MAML3: variants seen among roughly 807,000 people sequenced by gnomAD.
MAML3 encodes mastermind-like protein 3.
MAML3 carries 27 observed loss-of-function variants against 101.9 expected under a neutral mutation model. That is an observed-to-expected ratio of 0.27 (90% CI 0.20 to 0.37). The LOEUF (loss-of-function observed/expected upper bound fraction) is 0.37, where lower values mean the gene tolerates loss of function less well. Among genes scored for constraint, MAML3 ranks in the 10% least tolerant of loss-of-function variants. MAML3 has a pLI of 1.00. For missense variants in MAML3, 1,316 were observed against 1,444.9 expected (o/e 0.91, Z 1.45); for synonymous variants, 501 against 555.9 (o/e 0.90, Z 1.39).
chr4:139,979,737 G>T (rs1488223042), intron 1 of MAML3, among the ~76,000 whole-genome samples: 1 of 152,176 alleles, frequency 6.6e-6, no homozygotes, highest in Non-Finnish European at 1.5e-5. Flanking sequence ...TGGCATCAAG[G>T]TACCATCTTG....
At chr4:140,111,961 C>T (rs575576566) in intron 1 of MAML3, among the ~76,000 whole-genome samples, 1 of 152,250 alleles carries the variant, frequency 6.6e-6, no homozygotes, top group East Asian at 1.9e-4. Flanking sequence ...GAGGCTCATT[C>T]CTTTATAGAC....
chr4:139,885,204 T>C (rs1013474272), intron 2 of MAML3, among the ~76,000 whole-genome samples: 1 of 151,868 alleles, frequency 6.6e-6, no homozygotes, highest in East Asian at 1.9e-4. Flanking sequence ...GGTTGGACAC[T>C]AGACTGGGCA....
intron 2 of MAML3, among the ~76,000 whole-genome samples, chr4:139,884,176 G>T (rs1446346002): frequency 1.3e-5 from 2 of 152,058 alleles, no homozygotes; most frequent in Non-Finnish European, 2.9e-5. Flanking sequence ...GAGCCACGGC[G>T]CCTGGCTGCT....
intron 2 of MAML3, among the ~76,000 whole-genome samples, chr4:139,861,036 A>G (rs150385961): frequency 9.0e-4 from 137 of 152,226 alleles, no homozygotes; most frequent in African/African-American, 3.1e-3. Flanking sequence ...ACATAAAGAT[A>G]TATACATCTG....
intron 2 of MAML3, among the ~76,000 whole-genome samples, chr4:139,756,691 A>C (rs1341305164): frequency 6.6e-6 from 1 of 152,138 alleles, no homozygotes; most frequent in Non-Finnish European, 1.5e-5. Context: ...TTCCCCCTAC[A>C]TTCTCTGCAA....
chr4:139,835,792 C>T (rs1027017913), intron 2 of MAML3, among the ~76,000 whole-genome samples: 3 of 152,184 alleles, frequency 2.0e-5, no homozygotes, highest in Non-Finnish European at 4.4e-5. Flanking sequence ...TAATTTTCTT[C>T]ATACAATGAC....
intron 2 of MAML3, among the ~76,000 whole-genome samples, chr4:139,803,738 T>G (rs1397416756): frequency 1.3e-5 from 2 of 152,162 alleles, no homozygotes; most frequent in Non-Finnish European, 1.5e-5. Flanking sequence ...TGGCTATGTA[T>G]GCATTACACA....
intron 1 of MAML3, among the ~76,000 whole-genome samples, chr4:140,035,857 G>A (rs921363091): frequency 1.3e-5 from 2 of 151,824 alleles, no homozygotes; most frequent in African/African-American, 4.8e-5. Context: ...ACCTGAGGTT[G>A]AACGGTAATG....
chr4:139,882,611 G>A (rs1280953138), intron 2 of MAML3, among the ~76,000 whole-genome samples: 2 of 152,182 alleles, frequency 1.3e-5, no homozygotes, highest in Non-Finnish European at 2.9e-5. Context: ...CACTTTGGGA[G>A]GCCGAGGCAG....
chr4:139,988,133 C>A (rs1297469320), intron 1 of MAML3, among the ~76,000 whole-genome samples: 3 of 150,938 alleles, frequency 2.0e-5, no homozygotes, highest in African/African-American at 7.3e-5. Flanking sequence ...TCAAGACCAG[C>A]CTGGCCAACA....
intron 2 of MAML3, among the ~76,000 whole-genome samples, chr4:139,761,544 C>A (rs1271857771): frequency 6.6e-6 from 1 of 152,238 alleles, no homozygotes; most frequent in Non-Finnish European, 1.5e-5. Context: ...AGTTCCTAAC[C>A]TTCTCCACTA....
intron 1 of MAML3, among the ~76,000 whole-genome samples, chr4:139,928,601 G>C (rs1344624658): frequency 6.6e-6 from 1 of 152,166 alleles, no homozygotes; most frequent in Non-Finnish European, 1.5e-5. Context: ...AAGGAAATGG[G>C]AATAGCTTGA....
At chr4:140,091,035 G>A (rs1328798964) in intron 1 of MAML3, among the ~76,000 whole-genome samples, 1 of 151,096 alleles carries the variant, frequency 6.6e-6, no homozygotes, top group Non-Finnish European at 1.5e-5. Context: ...GGGCAACAGA[G>A]CGAGATTCTG....
intron 1 of MAML3, among the ~76,000 whole-genome samples, chr4:140,044,155 G>A (rs1727141129): frequency 6.6e-6 from 1 of 152,104 alleles, no homozygotes; most frequent in Non-Finnish European, 1.5e-5. Context: ...TGTGTTCTCG[G>A]CAGTTTCAAT....
chr4:139,750,894 A>G (rs974602970), intron 2 of MAML3, among the ~76,000 whole-genome samples: 1 of 152,174 alleles, frequency 6.6e-6, no homozygotes, highest in South Asian at 2.1e-4. Context: ...TTGCTTTTAC[A>G]TTTCTGACTT....
At chr4:140,093,530 C>T (rs1375546638) in intron 1 of MAML3, among the ~76,000 whole-genome samples, 1 of 151,556 alleles carries the variant, frequency 6.6e-6, no homozygotes, top group Admixed American at 6.6e-5. Flanking sequence ...CATTCTCCTG[C>T]CTCAGCCTCC....
At chr4:140,001,835 T>C (rs1412294750) in intron 1 of MAML3, among the ~76,000 whole-genome samples, 2 of 152,320 alleles carry the variant, frequency 1.3e-5, no homozygotes, top group Middle Eastern at 3.4e-3. Context: ...ACTTTTTCCT[T>C]TTCAAAAAAA....
In MAML3 at chr4:140,037,279, A is replaced by C. The variant is rs767811391; in HGVS notation, c.468+115581T>G. ...CAAAAACAAAACAGCAACAAAACAAAAAACAAACTAAGAACGGATCAAGAA... is the reference window on the plus strand; with the variant it reads ...CAAAAACAAAACAGCAACAAAACAACAAACAAACTAAGAACGGATCAAGAA... On this transcript the variant is annotated intron_variant, in intron 1 of 4. Coordinates refer to ENST00000509479, the MANE Select transcript of MAML3 (RefSeq NM_018717.5). Among the ~76,000 whole-genome samples, 76 of 152,262 alleles carry C rather than the reference A, an allele frequency of 5.0e-4. 1 individual carries two copies. The highest frequency in any genetic ancestry group is 1.0e-3 in the Non-Finnish European group (68 of 68,030).
chr4:139,904,704 A>G (rs1273830093), intron 1 of MAML3, among the ~76,000 whole-genome samples: 2 of 152,240 alleles, frequency 1.3e-5, no homozygotes, highest in Non-Finnish European at 2.9e-5. Context: ...AACTTGCTTA[A>G]TGACAAAGAT....
Sources: gnomAD v4.1 joint callset for allele counts (sites outside exome capture counted in the v4.1 genomes callset) on GRCh38, gnomAD v4.1.1 for gene constraint, MANE v1.5 for transcripts, NCBI Gene and HGNC (gene_info 2026-07-23, HGNC 2026-07-21) for gene names.